The following NDUFAF6 variants were observed in gnomAD, a reference collection of about 807,000 sequenced individuals.
NDUFAF6 encodes NADH:ubiquinone oxidoreductase complex assembly factor 6, also known as NADH dehydrogenase (ubiquinone) complex I, assembly factor 6.
In NDUFAF6, 45 loss-of-function variants were observed where a neutral mutation model predicts 40.8. The observed-to-expected ratio is 1.10, with a 90% confidence interval of 0.87 to 1.42. The LOEUF (loss-of-function observed/expected upper bound fraction) is 1.42, where lower values mean the gene tolerates loss of function less well. Among genes scored for constraint, NDUFAF6 ranks in the 40% most tolerant of loss-of-function variants. The pLI is 0.00. For missense variants in NDUFAF6, 435 were observed against 418.5 expected (o/e 1.04, Z -0.34); for synonymous variants, 185 against 155.9 (o/e 1.19, Z -1.39).
chr8:95,084,318 C>T (rs1296824920), intron 2 of NDUFAF6, among the ~76,000 whole-genome samples: 1 of 151,996 alleles, frequency 6.6e-6, no homozygotes, highest in African/African-American at 2.4e-5. Flanking sequence ...TATTTCAGTA[C>T]ATATCTCTAA....
chr8:95,001,429 C>T (rs924594091), intron 2 of NDUFAF6, among the ~76,000 whole-genome samples: 2 of 152,146 alleles, frequency 1.3e-5, no homozygotes, highest in Admixed American at 6.5e-5. Flanking sequence ...GAGTTGAGCA[C>T]CAGGCCCTCA....
intron 1 of NDUFAF6, chr8:94,939,569 G>T: frequency 3.0e-6 from 1 of 332,158 alleles, no homozygotes; most frequent in Non-Finnish European, 5.9e-6. Flanking sequence ...CTAATTTTTT[G>T]TTATTTTTTG....
chr8:94,989,627 C>T (rs1826104819), intron 2 of NDUFAF6, among the ~76,000 whole-genome samples: 1 of 152,194 alleles, frequency 6.6e-6, no homozygotes, highest in Non-Finnish European at 1.5e-5. Flanking sequence ...CACTTTCACT[C>T]AGCCAATAAA....
In NDUFAF6 at chr8:95,006,023, G is replaced by A. The variant is rs183896499; in HGVS notation, c.-84+25050G>A. On this transcript the variant is annotated intron_variant, in intron 2 of 9. Transcript: ENST00000396111. ...TTTCCCTTCTAACTCGTGAGAGTTGGCTTTCCTGTTGTTTCTGTTGTCACT... is the reference window on the plus strand; with the variant it reads ...TTTCCCTTCTAACTCGTGAGAGTTGACTTTCCTGTTGTTTCTGTTGTCACT... Among the ~76,000 whole-genome samples the A allele has an allele frequency of 2.5e-3, 382 of 152,182 alleles. 4 individuals carry two copies. Among genetic ancestry groups the A allele is most frequent in the African/African-American group, 8.8e-3 (364 of 41,534 alleles).
chr8:95,055,513 C>T (rs955155152), intron 8 of NDUFAF6, among the ~76,000 whole-genome samples: 4 of 151,628 alleles, frequency 2.6e-5, no homozygotes, highest in Non-Finnish European at 5.9e-5. Context: ...TGTGTCTATA[C>T]CTTAATTTTG....
chr8:94,917,110 C>CAAAAA (rs35834003), intron 1 of NDUFAF6, among the ~76,000 whole-genome samples: 1 of 89,572 alleles, frequency 1.1e-5, no homozygotes, highest in Non-Finnish European at 2.2e-5. Context: ...GACTCCATCT[C>CAAAAA]AAAAAAAAAA....
rs1829392727 is a variant in NDUFAF6 at position 95,035,514 on chromosome 8, A to G, written c.358A>G (p.Thr120Ala). 6.2e-7 allele frequency: 1 copy of G among 1,613,858 alleles called. No homozygotes were observed. Among genetic ancestry groups the G allele is most frequent in the Non-Finnish European group, 8.5e-7 (1 of 1,179,862 alleles). ...GATGCGAATGCAGTTTTGGAAAAAA[A>G]CTGTGGAAGATATATACTGTGACAA... ...GLMRMQFWKK[T>A]VEDIYCDNPP... is the part of the protein sequence containing the mutation. The change falls in exon 3 of 9, where the codon ACT (threonine) becomes GCT (alanine). Residue 120 changes from threonine to alanine, a missense_variant. By Grantham distance (58) the Thr-to-Ala change is moderately conservative (BLOSUM62 0). Transcript: ENST00000396124.
intron 1 of NDUFAF6, chr8:94,930,629 A>G (rs1820303012): frequency 3.7e-6 from 6 of 1,614,246 alleles, no homozygotes; most frequent in African/African-American, 1.3e-5. Flanking sequence ...TCCACTGGGA[A>G]GGGCGAAAGC....
At chr8:95,051,396 TGTG>T (rs1831408926) in intron 7 of NDUFAF6, among the ~76,000 whole-genome samples, 1 of 152,080 alleles carries the variant, frequency 6.6e-6, no homozygotes, top group African/African-American at 2.4e-5. Flanking sequence ...AAAAGATAGA[TGTG>T]GTGATTAGTA....
intron 4 of NDUFAF6, among the ~76,000 whole-genome samples, chr8:95,111,746 A>T (rs1810004622): frequency 6.6e-6 from 1 of 152,194 alleles, no homozygotes; most frequent in Non-Finnish European, 1.5e-5. Context: ...GGGTCCTGGA[A>T]CTCAGGACCT....
chr8:94,992,839 G>T (rs570132863), intron 2 of NDUFAF6, among the ~76,000 whole-genome samples: 1 of 152,052 alleles, frequency 6.6e-6, no homozygotes, highest in South Asian at 2.1e-4. Flanking sequence ...CTAATAATAG[G>T]CAATATTTGT....
In NDUFAF6 at chr8:95,025,180, G is replaced by A. The variant is rs778984045; in HGVS notation, c.172G>A (p.Asp58Asn). The change falls in exon 1 of 9, where the codon GAC (aspartate) becomes AAC (asparagine). Residue 58 changes from aspartate (D) to asparagine (N), a missense_variant. Transcript: ENST00000396124. Reference sequence around the variant, plus strand: ...CAGCGGACCGGGCGCCTGGGGCACTGACCACTACTGCCTGGAGCTGCTGCG... The same window carrying A: ...CAGCGGACCGGGCGCCTGGGGCACTAACCACTACTGCCTGGAGCTGCTGCG... ...AASGPGAWGT[D>N]HYCLELLRKR... The A allele has an allele frequency of 7.9e-5, 117 of 1,474,412 alleles. No homozygotes were observed. The highest frequency in any genetic ancestry group is 9.9e-5 in the Non-Finnish European group (111 of 1,124,640). 91.3% of individuals were successfully genotyped at this position (1,474,412 alleles called of 1,614,324 possible).
At chr8:94,905,054 T>G (rs1818303115) in intron 1 of NDUFAF6, among the ~76,000 whole-genome samples, 1 of 151,882 alleles carries the variant, frequency 6.6e-6, no homozygotes, top group South Asian at 2.1e-4. Flanking sequence ...ATAACAATTA[T>G]CTGGGCCCGG....
Position 94,939,653 on chromosome 8 carries a change from C to A in NDUFAF6, c.-935-5830C>A. 8 of 674,240 alleles carry A rather than the reference C, an allele frequency of 1.2e-5. No homozygotes were observed. The South Asian group carries it at 1.2e-4, about 10-fold the overall frequency. 41.8% of individuals were successfully genotyped at this position (674,240 alleles called of 1,614,324 possible). On this transcript the variant is annotated intron_variant, in intron 1 of 14. Transcript: ENST00000396113. Reference sequence around the variant, plus strand: ...GCTTAAGTGATCTGCCTGCCTTGGCCTCCCAAAGTGCTGGGATTACAGGTG... The same window carrying A: ...GCTTAAGTGATCTGCCTGCCTTGGCATCCCAAAGTGCTGGGATTACAGGTG...
intron 1 of NDUFAF6, among the ~76,000 whole-genome samples, chr8:94,931,902 G>A (rs894139513): frequency 1.3e-5 from 2 of 152,124 alleles, no homozygotes; most frequent in African/African-American, 4.8e-5. Context: ...AATCTGGGGG[G>A]TGGAGGCTGC....
At chr8:94,901,801 T>C (rs1434853768) in intron 1 of NDUFAF6, among the ~76,000 whole-genome samples, 1 of 152,016 alleles carries the variant, frequency 6.6e-6, no homozygotes, top group Non-Finnish European at 1.5e-5. Flanking sequence ...GCCAGGCTGG[T>C]CTCCAACTCC....
intron 1 of NDUFAF6, chr8:94,929,560 A>G (rs562685779): frequency 1.3e-5 from 2 of 152,208 alleles, no homozygotes; most frequent in South Asian, 4.1e-4. Flanking sequence ...CTCTGTGGAA[A>G]TATAAAGCCT....
intron 2 of NDUFAF6, among the ~76,000 whole-genome samples, chr8:94,990,956 C>A (rs1224609481): frequency 6.6e-6 from 1 of 152,326 alleles, no homozygotes; most frequent in East Asian, 1.9e-4. Flanking sequence ...GCCTTATTCG[C>A]GAAGGGACTT....
At chr8:95,052,256 T>A in intron 8 of NDUFAF6, 26 bp downstream of exon 8, 3 of 1,605,804 alleles carry the variant, frequency 1.9e-6, no homozygotes, top group Non-Finnish European at 2.6e-6. Flanking sequence ...GAGAAGGCTG[T>A]ATAATTAGTG....
Sources: gnomAD v4.1 joint callset for allele counts (sites outside exome capture counted in the v4.1 genomes callset) on GRCh38, gnomAD v4.1.1 for gene constraint, MANE v1.5 for transcripts, NCBI Gene and HGNC (gene_info 2026-07-23, HGNC 2026-07-21) for gene names.